TAB2: variants seen among roughly 807,000 people sequenced by gnomAD.
The protein encoded by TAB2 is TGF-beta activated kinase 1 (MAP3K7) binding protein 2, also known as TGF-beta-activated kinase 1 and MAP3K7-binding protein 2.
TAB2 carries 3 observed loss-of-function variants against 65.0 expected under a neutral mutation model. The observed-to-expected ratio is 0.05, with a 90% CI of 0.02 to 0.12. TAB2 has a LOEUF of 0.12. Ranked by LOEUF, TAB2 falls within the 10% of genes least tolerant of loss-of-function variation. TAB2 has a pLI of 1.00. For synonymous variants in TAB2, 298 were observed against 285.1 expected, an observed-to-expected ratio of 1.05 and a Z score of -0.46; for missense variants, 623 against 840.3, an observed-to-expected ratio of 0.74 and a Z score of 3.20.
chr6:149,364,702 AT>A (rs1217323770), intron 1 of TAB2, among the ~76,000 whole-genome samples: 1 of 148,994 alleles, frequency 6.7e-6, no homozygotes, highest in African/African-American at 2.5e-5. Flanking sequence ...AAATACTCTT[AT>A]CTAGTTGCCT....
At chr6:149,305,408 C>T (rs959801833) in intron 1 of TAB2, among the ~76,000 whole-genome samples, 1 of 152,140 alleles carries the variant, frequency 6.6e-6, no homozygotes, top group African/African-American at 2.4e-5. Flanking sequence ...ACTTTGAATA[C>T]GTTTCCTTTT....
At chr6:149,218,577 G>A, upstream of TAB2, 1 of 215,384 alleles carries the variant, frequency 4.6e-6, no homozygotes, top group Admixed American at 4.8e-5. Flanking sequence ...CCTCCAGTGG[G>A]ACAGGGTCAG....
intron 1 of TAB2, among the ~76,000 whole-genome samples, chr6:149,322,003 A>T (rs912335405): frequency 2.6e-5 from 4 of 152,158 alleles, no homozygotes; most frequent in African/African-American, 9.7e-5. Flanking sequence ...CATGTATTCC[A>T]GTTCAGAATA....
At chr6:149,346,912 T>G (rs969524328) in intron 1 of TAB2, among the ~76,000 whole-genome samples, 2 of 152,192 alleles carry the variant, frequency 1.3e-5, no homozygotes, top group African/African-American at 2.4e-5. Flanking sequence ...AGTGCTTTTA[T>G]TCTCTTTTCT....
chr6:149,399,323 G>T, intron 6 of TAB2, 139 bp downstream of exon 6: 1 of 691,564 alleles, frequency 1.4e-6, no homozygotes, highest in Non-Finnish European at 2.6e-6. Flanking sequence ...GAAGATGTTT[G>T]CTTATTTTCA....
intron 1 of TAB2, among the ~76,000 whole-genome samples, chr6:149,303,795 G>T (rs1447630597): frequency 6.6e-6 from 1 of 152,124 alleles, no homozygotes; most frequent in Non-Finnish European, 1.5e-5. Context: ...TGCCTACTAT[G>T]GACGAGGTCC....
chr6:149,231,808 G>A (rs1283691456), intron 1 of TAB2, among the ~76,000 whole-genome samples: 1 of 152,210 alleles, frequency 6.6e-6, no homozygotes. Flanking sequence ...TCAAACATCA[G>A]GGGAGCAGAG....
chr6:149,345,285 A>G (rs11966329), intron 1 of TAB2, among the ~76,000 whole-genome samples: 3,184 of 152,252 alleles, frequency 0.021, 102 homozygotes, highest in African/African-American at 0.072. Flanking sequence ...ATATAAATTC[A>G]TAAGTAACAT....
At chr6:149,361,545 AAG>A (rs1780853998) in intron 1 of TAB2, among the ~76,000 whole-genome samples, 1 of 152,130 alleles carries the variant, frequency 6.6e-6, no homozygotes, top group Non-Finnish European at 1.5e-5. Flanking sequence ...GGCTGCTGCA[AAG>A]ATCTCTGAAA....
chr6:149,351,971 A>T (rs887300226), intron 1 of TAB2, among the ~76,000 whole-genome samples: 26 of 151,706 alleles, frequency 1.7e-4, no homozygotes, highest in African/African-American at 6.3e-4. Context: ...TTTTAGTTCT[A>T]CTCTTTTCTT....
In TAB2 at chr6:149,340,561, ATATTAC is replaced by A. The variant is rs1780083151; in HGVS notation, c.-90+22550_-90+22555del. ...GGAAAAGCCAAGAGAATCAACTGAA[ATATTAC>A]TATAAGTAATGAGATTTCAGTATGA... On this transcript the variant is annotated intron_variant, in intron 1 of 6. Coordinates refer to ENST00000637181, the MANE Select transcript of TAB2 (RefSeq NM_001292034.3). 2.0e-5 allele frequency among the ~76,000 whole-genome samples: 3 copies of A among 152,196 alleles called. 1 individual carries two copies. The South Asian group carries it at 6.2e-4, about 31-fold the overall frequency.
At chr6:149,233,190 C>A (rs184969283) in intron 1 of TAB2, among the ~76,000 whole-genome samples, 49 of 152,152 alleles carry the variant, frequency 3.2e-4, no homozygotes, top group Admixed American at 2.7e-3. Context: ...AACTACCTGG[C>A]GGGGGGTGAG....
At chr6:149,359,824 T>C (rs977078960) in intron 1 of TAB2, among the ~76,000 whole-genome samples, 2 of 152,228 alleles carry the variant, frequency 1.3e-5, no homozygotes, top group African/African-American at 4.8e-5. Context: ...TTTTTCATTA[T>C]TTCTGGTTTT....
In TAB2 at chr6:149,410,864, C is replaced by G. The variant is rs529829272; in HGVS notation, c.*1145C>G. 6.6e-6 allele frequency: 1 copy of G among 152,576 alleles called. No individual in the cohort carries two copies. Among genetic ancestry groups the G allele is most frequent in the African/African-American group, 2.4e-5 (1 of 41,578 alleles). The allele number at this position is 152,576 out of a possible 1,614,324, so 9.5% of individuals were successfully genotyped here. A position where few individuals can be genotyped will look rare whatever the true frequency, so the allele number is the denominator to read the frequency against. On this transcript the variant is annotated 3_prime_UTR_variant, in exon 7 of 7. Transcript: ENST00000637181. ...TGGGAAAGTACAGTCTCAAAACCAG[C>G]AACAGCAGCAGTACCTACAGCCCTT... is the stretch of plus-strand genomic sequence containing the variant.
chr6:149,233,055 C>A (rs992716597), intron 1 of TAB2, among the ~76,000 whole-genome samples: 11 of 152,176 alleles, frequency 7.2e-5, no homozygotes, highest in African/African-American at 2.4e-4. Context: ...AGTGTCCACC[C>A]CTCACACCAG....
chr6:149,274,138 C>T (rs963777678), intron 1 of TAB2, among the ~76,000 whole-genome samples: 2 of 152,152 alleles, frequency 1.3e-5, no homozygotes, highest in Admixed American at 1.3e-4. Context: ...GGAATCTTGC[C>T]CCAGGGCCCA....
At chr6:149,292,823 C>A (rs2114696194) in intron 1 of TAB2, among the ~76,000 whole-genome samples, 1 of 152,246 alleles carries the variant, frequency 6.6e-6, no homozygotes, top group South Asian at 2.1e-4. Flanking sequence ...TGACCAATTT[C>A]TTTAATGTTC....
At chr6:149,402,562 G>C (rs1583163389) in intron 6 of TAB2, among the ~76,000 whole-genome samples, 1 of 115,598 alleles carries the variant, frequency 8.7e-6, no homozygotes, top group African/African-American at 3.6e-5. Flanking sequence ...ACTCAAACAA[G>C]AATTAATACC....
intron 1 of TAB2, among the ~76,000 whole-genome samples, chr6:149,220,431 C>T (rs766812297): frequency 6.6e-5 from 10 of 152,114 alleles, no homozygotes; most frequent in Non-Finnish European, 1.2e-4. Flanking sequence ...CACACGATTA[C>T]GGGACACCAT....
Sources: allele counts gnomAD v4.1 joint callset (sites outside exome capture counted in the v4.1 genomes callset), GRCh38; gene constraint gnomAD v4.1.1; transcripts MANE v1.5; gene names NCBI Gene and HGNC (gene_info 2026-07-23, HGNC 2026-07-21).